The following DOCK7 variants were observed in gnomAD, a reference collection of about 807,000 sequenced individuals.
DOCK7 encodes the protein dedicator of cytokinesis protein 7.
DOCK7 carries 138 observed loss-of-function variants against 271.0 expected under a neutral mutation model. The observed-to-expected ratio is 0.51, with a 90% confidence interval of 0.44 to 0.59. DOCK7 has a LOEUF of 0.59. Ranked by LOEUF, DOCK7 falls within the 20% of genes least tolerant of loss-of-function variation. The pLI is 0.00. For missense variants in DOCK7, 2,066 were observed against 2,592.4 expected (o/e 0.80, Z 4.41); for synonymous variants, 823 against 876.1 (o/e 0.94, Z 1.07).
intron 48 of DOCK7, among the ~76,000 whole-genome samples, chr1:62,470,034 T>TTC (rs1645786961): frequency 6.6e-6 from 1 of 152,154 alleles, no homozygotes; most frequent in Admixed American, 6.5e-5. Context: ...AAAGAACTAA[T>TTC]TCCTTAAAGA....
chr1:62,665,124 T>C (rs941987888), intron 1 of DOCK7, among the ~76,000 whole-genome samples: 2 of 152,080 alleles, frequency 1.3e-5, no homozygotes, highest in African/African-American at 4.8e-5. Context: ...GTGGCTGGAA[T>C]TACAGGCATG....
intron 33 of DOCK7, chr1:62,511,010 G>A (rs192184315): frequency 5.9e-4 from 119 of 200,774 alleles, no homozygotes; most frequent in African/African-American, 2.6e-3. Flanking sequence ...CTTGCTTACC[G>A]CTTTCTGTTA....
intron 31 of DOCK7, among the ~76,000 whole-genome samples, chr1:62,516,185 TA>T (rs1399231509): frequency 6.6e-6 from 1 of 152,020 alleles, no homozygotes; most frequent in African/African-American, 2.4e-5. Flanking sequence ...AAATAAGACA[TA>T]AAAAACATAA....
At chr1:62,582,536 C>T (rs1217149864) in intron 16 of DOCK7, among the ~76,000 whole-genome samples, 1 of 97,446 alleles carries the variant, frequency 1.0e-5, no homozygotes, top group Non-Finnish European at 1.8e-5. Flanking sequence ...GGGGACAGAG[C>T]GAGACTCCGT....
At chr1:62,670,592 T>C (rs1288218130) in intron 1 of DOCK7, among the ~76,000 whole-genome samples, 2 of 152,162 alleles carry the variant, frequency 1.3e-5, no homozygotes, top group African/African-American at 4.8e-5. Flanking sequence ...TGTGTTTAGC[T>C]CAAGGTTTGT....
At chr1:62,553,892 G>A (rs1646045404) in intron 21 of DOCK7, among the ~76,000 whole-genome samples, 1 of 151,192 alleles carries the variant, frequency 6.6e-6, no homozygotes, top group Non-Finnish European at 1.5e-5. Context: ...TTTCACTTCG[G>A]TATAGTTGGT....
intron 18 of DOCK7, 96 bp downstream of exon 18, chr1:62,577,166 T>C: frequency 1.5e-6 from 1 of 647,080 alleles, no homozygotes; most frequent in Non-Finnish European, 2.4e-6. Flanking sequence ...AAACTTTAAG[T>C]AGAAGAAATG....
chr1:62,469,906 C>CAAA (rs35490114), intron 48 of DOCK7, among the ~76,000 whole-genome samples: 2 of 137,762 alleles, frequency 1.5e-5, no homozygotes, highest in Admixed American at 7.1e-5. Context: ...ATCAAAAACT[C>CAAA]AAAAAAAAAA....
rs141781536 is a variant in DOCK7, at chr1:62,643,214, T to C, written c.818+4477A>G. 1.9e-3 allele frequency among the ~76,000 whole-genome samples: 284 copies of C among 152,326 alleles called. 1 individual carries two copies. The highest frequency in any genetic ancestry group is 6.5e-3 in the African/African-American group (272 of 41,566). ...CTACCAGACATGCACAACTCCTTTA[T>C]AGATCATCCAGTCCCAACCAAATTG... On this transcript the variant is annotated intron_variant, in intron 7 of 49. Coordinates refer to ENST00000635253, the MANE Select transcript of DOCK7 (RefSeq NM_001367561.1).
chr1:62,662,920 T>C (rs1239140854), intron 2 of DOCK7, 105 bp downstream of exon 2: 2 of 816,140 alleles, frequency 2.5e-6, no homozygotes, highest in Non-Finnish European at 3.9e-6. Context: ...AGTAAGGTTA[T>C]GAGACTAATG....
At chr1:62,604,561 T>C in intron 14 of DOCK7, 1 of 1,468,626 alleles carries the variant, frequency 6.8e-7, no homozygotes, top group Non-Finnish European at 9.5e-7. Context: ...GAAGATAAAC[T>C]TACGGGGAAA....
At chr1:62,687,346 T>C (rs1253869103) in intron 1 of DOCK7, among the ~76,000 whole-genome samples, 3 of 152,252 alleles carry the variant, frequency 2.0e-5, no homozygotes, top group African/African-American at 4.8e-5. Context: ...CCACCACAAG[T>C]AGGTGAAAGG....
intron 29 of DOCK7, among the ~76,000 whole-genome samples, chr1:62,530,025 C>T (rs1334030713): frequency 6.6e-6 from 1 of 152,152 alleles, no homozygotes; most frequent in Non-Finnish European, 1.5e-5. Context: ...TGGGCTAATA[C>T]ACTAACAAGG....
chr1:62,533,458 C>T (rs1781197), intron 29 of DOCK7, among the ~76,000 whole-genome samples: 147,531 of 152,012 alleles, frequency 0.97, 71,748 homozygotes, highest in Middle Eastern at 1. Context: ...AATGACATCA[C>T]AGTCATTTGT....
chr1:62,474,321 T>C (rs1645911752), intron 47 of DOCK7, among the ~76,000 whole-genome samples: 1 of 152,234 alleles, frequency 6.6e-6, no homozygotes, highest in South Asian at 2.1e-4. Context: ...AGAAACAGAA[T>C]AGGAACTCAA....
At chr1:62,557,567 G>A (rs997677798) in intron 20 of DOCK7, among the ~76,000 whole-genome samples, 3 of 144,932 alleles carry the variant, frequency 2.1e-5, no homozygotes, top group African/African-American at 7.7e-5. Context: ...CCTTCACTTA[G>A]ACTAAAATTA....
At chr1:62,612,225 G>A (rs1225167827) in intron 14 of DOCK7, among the ~76,000 whole-genome samples, 3 of 152,104 alleles carry the variant, frequency 2.0e-5, no homozygotes, top group Non-Finnish European at 2.9e-5. Context: ...GAAATGATAG[G>A]ATGTCTAGGC....
At chr1:62,552,925 C>A in intron 21 of DOCK7, 24 bp from the exon 22 acceptor site, 2 of 1,442,106 alleles carry the variant, frequency 1.4e-6, no homozygotes, top group Non-Finnish European at 1.8e-6. Flanking sequence ...TGAAATAGCA[C>A]ATAATTAAAG....
intron 14 of DOCK7, chr1:62,604,890 T>C: frequency 2.0e-6 from 3 of 1,474,304 alleles, no homozygotes; most frequent in African/African-American, 1.4e-5. Flanking sequence ...AATAATCTGG[T>C]ATTAAATCCT....
Sources: allele counts gnomAD v4.1 joint callset (sites outside exome capture counted in the v4.1 genomes callset), GRCh38; gene constraint gnomAD v4.1.1; transcripts MANE v1.5; gene names NCBI Gene and HGNC (gene_info 2026-07-23, HGNC 2026-07-21).